The following RPGRIP1L variants were observed in gnomAD, a reference collection of about 807,000 sequenced individuals.
RPGRIP1L encodes protein fantom.
In RPGRIP1L, 131 loss-of-function variants were observed where a neutral mutation model predicts 160.4. The ratio of observed to expected loss-of-function variants is 0.82; its 90% confidence interval spans 0.71 to 0.94. RPGRIP1L has a LOEUF of 0.94. RPGRIP1L is among the 40% of genes least tolerant of loss of function. The probability of loss-of-function intolerance (pLI) is 0.00; values close to 1 mark genes in which losing one functional copy is unlikely to be tolerated. For synonymous variants in RPGRIP1L, 510 were observed against 515.8 expected (o/e 0.99, Z 0.15); for missense variants, 1,522 against 1,535.8 (o/e 0.99, Z 0.15).
intron 24 of RPGRIP1L, among the ~76,000 whole-genome samples, chr16:53,611,534 C>A (rs1964035230): frequency 6.6e-6 from 1 of 152,204 alleles, no homozygotes; most frequent in Non-Finnish European, 1.5e-5. Flanking sequence ...TTGAGGAAAT[C>A]CGCAGGCTGA....
At position 53,647,860 on chromosome 16, in the gene RPGRIP1L, C is replaced by T. The variant is rs1335339941; in HGVS notation, c.2304+1104G>A. ...GTGGCTCATGCCTGTAATCCCAGTA[C>T]TTTGGGAGGCTGAGGCGGGTGGATC... is the stretch of plus-strand genomic sequence containing the variant. On this transcript the variant is annotated intron_variant, in intron 16 of 26. Coordinates refer to ENST00000647211, the MANE Select transcript of RPGRIP1L (RefSeq NM_015272.5). Among the ~76,000 whole-genome samples the T allele has an allele frequency of 2.0e-5, 3 of 152,086 alleles. No homozygotes were observed. In the East Asian group the frequency reaches 5.8e-4, roughly 29 times the overall value.
At chr16:53,619,340 A>C (rs1964571864) in intron 23 of RPGRIP1L, 132 bp from the exon 24 acceptor site, 1 of 739,038 alleles carries the variant, frequency 1.4e-6, no homozygotes, top group Non-Finnish European at 2.3e-6. Flanking sequence ...AATGCAATGT[A>C]CACTACTGTA....
chr16:53,620,048 C>T (rs1195526355), intron 23 of RPGRIP1L, among the ~76,000 whole-genome samples: 6 of 152,114 alleles, frequency 3.9e-5, no homozygotes, highest in African/African-American at 1.4e-4. Context: ...CCTTTAGTAT[C>T]AAAATCCTAT....
In RPGRIP1L at chr16:53,672,819, G is replaced by A. The variant is rs543647167; in HGVS notation, c.1029+51C>T. 5.8e-6 allele frequency: 9 copies of A among 1,542,374 alleles called. No individual in the cohort carries two copies. The South Asian group carries it at 6.8e-5, about 12-fold the overall frequency. ...ATCTCTATTTTACTTTTTCAAAACA[G>A]TTACCAAGAAGTTGTAATGCAACAG... On this transcript the variant is annotated intron_variant, in intron 8 of 26. Coordinates refer to ENST00000647211, the MANE Select transcript of RPGRIP1L (RefSeq NM_015272.5).
In RPGRIP1L at chr16:53,652,718, A is replaced by G; in HGVS notation, c.1969T>C (p.Phe657Leu). 3.7e-6 allele frequency: 6 copies of G among 1,614,168 alleles called. No individual in the cohort carries two copies. Among genetic ancestry groups the G allele is most frequent in the Non-Finnish European group, 5.1e-6 (6 of 1,180,014 alleles). ...ACATGAACAAGATATTGAGAAGTGA[A>G]GTTATATTCGGGATGAAGGCCTCGC... is the stretch of plus-strand genomic sequence containing the variant. ...VVRGLHPEYN[F>L]TSQYLVHVND... The change falls in exon 15 of 27, where the codon TTC becomes CTC. Residue 657 changes from phenylalanine (F) to leucine (L), a missense_variant. Transcript: ENST00000647211.
At chr16:53,632,852 T>G (rs1380738420) in intron 22 of RPGRIP1L, among the ~76,000 whole-genome samples, 1 of 152,150 alleles carries the variant, frequency 6.6e-6, no homozygotes, top group African/African-American at 2.4e-5. Flanking sequence ...AAGTCATCCT[T>G]GATGAAGGGA....
chr16:53,641,254 T>G (rs376424742), intron 18 of RPGRIP1L, 31 bp downstream of exon 18: 1 of 1,602,612 alleles, frequency 6.2e-7, no homozygotes, highest in Non-Finnish European at 8.5e-7. Flanking sequence ...ATTTTATACT[T>G]GTAAAAAAAT....
At chr16:53,671,649 A>C in intron 8 of RPGRIP1L, 66 bp from the exon 9 acceptor site, 2 of 795,308 alleles carry the variant, frequency 2.5e-6, no homozygotes, top group South Asian at 1.7e-5. Context: ...GTAAAAAAAA[A>C]CATTAAAAAA....
In RPGRIP1L at chr16:53,605,492, T is replaced by C. The variant is rs776310931; in HGVS notation, c.3824A>G (p.Gln1275Arg). The C allele has an allele frequency of 5.6e-6, 9 of 1,614,168 alleles. No individual in the cohort carries two copies. Among genetic ancestry groups the C allele is most frequent in the Non-Finnish European group, 5.9e-6 (7 of 1,180,026 alleles). ...ACTTTCACCCATACCATCGATATTT[T>C]GCTCAATGAGGTCCCTCCCTTCCTG... ...MFQEGRDLIE[Q>R]NIDVFDARAD... The change falls in exon 26 of 27, where the codon CAA becomes CGA. Residue 1275 changes from glutamine to arginine, a missense_variant. Gln to Arg is a conservative substitution (Grantham distance 43). Coordinates refer to ENST00000647211, the MANE Select transcript of RPGRIP1L (RefSeq NM_015272.5).
In RPGRIP1L at chr16:53,645,715, CAT is replaced by C. The variant is rs772028612; in HGVS notation, c.2591_2592del (p.Tyr864CysfsTer3). 3 of 1,614,022 alleles carry C rather than the reference CAT, an allele frequency of 1.9e-6. No individual in the cohort carries two copies. In the South Asian group the frequency reaches 3.3e-5, roughly 18 times the overall value. On this transcript the variant is annotated frameshift_variant, in exon 17 of 27. Coordinates refer to ENST00000647211, the MANE Select transcript of RPGRIP1L (RefSeq NM_015272.5). LOFTEE classifies it high-confidence loss of function. ...TCCTGGGTATCACTATCATCAAAAA[CAT>C]AAAAACTCAGAGACTCTGACTTAAG... ...RYLKSESLSF[Y>X]VFDDSDTQEN... is the part of the protein sequence containing the mutation.
At chr16:53,686,249 A>C (rs1323679923) in intron 6 of RPGRIP1L, among the ~76,000 whole-genome samples, 184 bp downstream of exon 6, 1 of 152,194 alleles carries the variant, frequency 6.6e-6, no homozygotes, top group Non-Finnish European at 1.5e-5. Flanking sequence ...CAGGTTAGGG[A>C]AAACTGTCTT....
In RPGRIP1L at chr16:53,672,913, T is replaced by C; in HGVS notation, c.986A>G (p.Lys329Arg). The C allele has an allele frequency of 1.2e-6, 2 of 1,613,168 alleles. No homozygotes were observed. ...EQRLKCCSLE[K>R]QLHSMKFSER... ...AGAAAACTTCATAGAATGTAATTGT[T>C]TCTCAAGACTGCAGCATTTTAAACG... is the stretch of plus-strand genomic sequence containing the variant. The change falls in exon 8 of 27, where the codon AAA (lysine) becomes AGA (arginine). Residue 329 changes from lysine (K) to arginine (R), a missense_variant. Lys to Arg is a conservative substitution (Grantham distance 26). Transcript: ENST00000647211.
chr16:53,680,512 C>T (rs968835787), intron 6 of RPGRIP1L, among the ~76,000 whole-genome samples: 3 of 151,896 alleles, frequency 2.0e-5, no homozygotes, highest in African/African-American at 4.8e-5. Flanking sequence ...TGCAACAACA[C>T]GTGACCCTCG....
intron 1 of RPGRIP1L, among the ~76,000 whole-genome samples, chr16:53,700,994 C>A (rs1370394311): frequency 6.6e-6 from 1 of 152,148 alleles, no homozygotes; most frequent in African/African-American, 2.4e-5. Context: ...TACCTCCTCT[C>A]CATCCCTTTC....
At position 53,674,918 on chromosome 16, in the gene RPGRIP1L, T is replaced by C; in HGVS notation, c.882+99A>G. 5.4e-6 allele frequency: 4 copies of C among 735,622 alleles called. 1 individual carries two copies. The highest frequency in any genetic ancestry group is 9.5e-6 in the Non-Finnish European group (4 of 419,762). The allele number at this position is 735,622 out of a possible 1,614,324, so 45.6% of individuals were successfully genotyped here. On this transcript the variant is annotated intron_variant, in intron 7 of 26. Coordinates refer to ENST00000647211, the MANE Select transcript of RPGRIP1L (RefSeq NM_015272.5). Reference sequence around the variant, plus strand: ...AGAACAATCCTTCAAAATTATGTTCTAGTGTTATGATAATTCCATGTTAAA... The same window carrying C: ...AGAACAATCCTTCAAAATTATGTTCCAGTGTTATGATAATTCCATGTTAAA...
At chr16:53,633,544 T>A (rs1965652174) in intron 22 of RPGRIP1L, among the ~76,000 whole-genome samples, 1 of 152,186 alleles carries the variant, frequency 6.6e-6, no homozygotes, top group Non-Finnish European at 1.5e-5. Context: ...TCTTGGACCA[T>A]ATGAATAAGA....
chr16:53,608,764 C>T (rs963221623), intron 25 of RPGRIP1L, among the ~76,000 whole-genome samples: 2 of 152,118 alleles, frequency 1.3e-5, no homozygotes, highest in African/African-American at 2.4e-5. Context: ...AATAATGTGA[C>T]CTCTGAGTAT....
chr16:53,687,572 C>T lies in RPGRIP1L; in HGVS notation c.632+291G>A, dbSNP rs142351387. Among the ~76,000 whole-genome samples the T allele has an allele frequency of 0.011, 1,645 of 152,062 alleles. 29 individuals carry two copies. Among genetic ancestry groups the T allele is most frequent in the Middle Eastern group, 0.048 (14 of 294 alleles). Reference sequence around the variant, plus strand: ...TGATTTTCTGGGAATAAAAATGTTGCCTCTAAATCTTACACTATTCTAACT... The same window carrying T: ...TGATTTTCTGGGAATAAAAATGTTGTCTCTAAATCTTACACTATTCTAACT... On this transcript the variant is annotated intron_variant, in intron 5 of 26. Coordinates refer to ENST00000647211, the MANE Select transcript of RPGRIP1L (RefSeq NM_015272.5).
At position 53,686,432 on chromosome 16, in the gene RPGRIP1L, C is replaced by A; in HGVS notation, c.776+1G>T. Reference sequence around the variant, plus strand: ...AAAGTGATATTTCTGTTTTAACATACCTTTGATCTGTAGCTTGCTGTTCTC... The same window carrying A: ...AAAGTGATATTTCTGTTTTAACATAACTTTGATCTGTAGCTTGCTGTTCTC... On this transcript the variant is annotated splice_donor_variant, in intron 6 of 26. Coordinates refer to ENST00000647211, the MANE Select transcript of RPGRIP1L (RefSeq NM_015272.5). LOFTEE classifies it high-confidence loss of function. 1 of 1,612,584 alleles carries A rather than the reference C, an allele frequency of 6.2e-7. No individual in the cohort carries two copies. Among genetic ancestry groups the A allele is most frequent in the Non-Finnish European group, 8.5e-7 (1 of 1,179,410 alleles).
Sources: gnomAD v4.1 joint callset for allele counts (sites outside exome capture counted in the v4.1 genomes callset) on GRCh38, gnomAD v4.1.1 for gene constraint, MANE v1.5 for transcripts, NCBI Gene and HGNC (gene_info 2026-07-23, HGNC 2026-07-21) for gene names.